PRKG1: variants seen among roughly 807,000 people sequenced by gnomAD.
PRKG1 encodes cGMP-dependent protein kinase 1.
Under a neutral mutation model 88.1 loss-of-function variants are expected in PRKG1, and 35 were observed. The ratio of observed to expected loss-of-function variants is 0.40; its 90% CI spans 0.30 to 0.53. The LOEUF (loss-of-function observed/expected upper bound fraction) is 0.53, where lower values mean the gene tolerates loss of function less well. PRKG1 is among the 20% of genes least tolerant of loss of function. PRKG1 has a pLI of 0.59. For synonymous variants in PRKG1, 303 were observed against 292.5 expected, an observed-to-expected ratio of 1.04 and a Z score of -0.37; for missense variants, 540 against 839.8, an observed-to-expected ratio of 0.64 and a Z score of 4.41.
chr10:52,052,610 T>G (rs1329518627), intron 5 of PRKG1, among the ~76,000 whole-genome samples: 1 of 151,698 alleles, frequency 6.6e-6, no homozygotes, highest in Non-Finnish European at 1.5e-5. Context: ...GGCCTCACAA[T>G]CATGGCAGAA....
chr10:51,039,477 G>A (rs930042935), intron 1 of PRKG1, among the ~76,000 whole-genome samples: 3 of 152,022 alleles, frequency 2.0e-5, no homozygotes, highest in African/African-American at 4.8e-5. Flanking sequence ...ATATATTCTG[G>A]TTATTAATTC....
chr10:51,721,625 ACT>A (rs1441282607), intron 3 of PRKG1, among the ~76,000 whole-genome samples: 6 of 152,244 alleles, frequency 3.9e-5, no homozygotes, highest in East Asian at 1.9e-4. Flanking sequence ...CGAGGCTCAC[ACT>A]CTCTGATACC....
intron 4 of PRKG1, among the ~76,000 whole-genome samples, chr10:51,888,938 T>G (rs1841642224): frequency 6.6e-6 from 1 of 152,186 alleles, no homozygotes; most frequent in Non-Finnish European, 1.5e-5. Flanking sequence ...TGTCACATAG[T>G]TACAAAGTAA....
At chr10:51,101,481 A>G (rs575210130) in intron 1 of PRKG1, among the ~76,000 whole-genome samples, 1 of 152,290 alleles carries the variant, frequency 6.6e-6, no homozygotes, top group South Asian at 2.1e-4. Flanking sequence ...AGGTGCCAAA[A>G]TCAGACTCCA....
intron 3 of PRKG1, among the ~76,000 whole-genome samples, chr10:51,744,448 A>C (rs1378039281): frequency 6.6e-6 from 1 of 152,202 alleles, no homozygotes; most frequent in Non-Finnish European, 1.5e-5. Flanking sequence ...GAGAGGAACC[A>C]CAGCCAGTTT....
chr10:51,617,786 T>G (rs1839099435), intron 3 of PRKG1, among the ~76,000 whole-genome samples: 1 of 152,328 alleles, frequency 6.6e-6, no homozygotes, highest in South Asian at 2.1e-4. Context: ...TGACTATATT[T>G]TGAAACCTAT....
intron 3 of PRKG1, chr10:51,697,414 C>A: frequency 2.5e-6 from 1 of 404,154 alleles, no homozygotes; most frequent in Non-Finnish European, 4.4e-6. Flanking sequence ...GTAGATGCTT[C>A]AATATTGCTG....
chr10:52,067,922 AGGCCGGGCGCAGTGG>A (rs1846394542), intron 7 of PRKG1, among the ~76,000 whole-genome samples: 1 of 145,788 alleles, frequency 6.9e-6, no homozygotes. Context: ...TCCCTACTTG[AGGCCGGGCGCAGTGG>A]CTCACGCCTG....
intron 5 of PRKG1, among the ~76,000 whole-genome samples, chr10:52,035,735 C>A (rs1354669834): frequency 2.0e-5 from 3 of 151,808 alleles, no homozygotes; most frequent in Non-Finnish European, 2.9e-5. Context: ...AAAGTATGTG[C>A]GTCAGGTATG....
intron 2 of PRKG1, among the ~76,000 whole-genome samples, chr10:51,217,057 G>C (rs998622192): frequency 1.3e-5 from 2 of 152,016 alleles, no homozygotes; most frequent in Admixed American, 1.3e-4. Context: ...AAATTGAAAA[G>C]CTCATGGGTG....
chr10:51,029,806 T>C (rs1843257387), intron 1 of PRKG1, among the ~76,000 whole-genome samples: 1 of 151,956 alleles, frequency 6.6e-6, no homozygotes, highest in Non-Finnish European at 1.5e-5. Flanking sequence ...AATGTAGGAG[T>C]GTGTGCTCTG....
At chr10:51,532,138 C>T (rs1842034626) in intron 3 of PRKG1, among the ~76,000 whole-genome samples, 1 of 152,182 alleles carries the variant, frequency 6.6e-6, no homozygotes, top group Non-Finnish European at 1.5e-5. Flanking sequence ...GAAGTTAAAG[C>T]TGCAGCAGGA....
chr10:51,277,270 G>A (rs1031288682), intron 2 of PRKG1, among the ~76,000 whole-genome samples: 6 of 152,180 alleles, frequency 3.9e-5, no homozygotes, highest in African/African-American at 1.4e-4. Context: ...TCAGATGGTT[G>A]TAGATGTGTG....
At chr10:52,128,440 G>T (rs890278138) in intron 7 of PRKG1, 1 of 985,422 alleles carries the variant, frequency 1.0e-6, no homozygotes. Context: ...CAGAAGAGCC[G>T]ATGTAAATTC....
intron 5 of PRKG1, among the ~76,000 whole-genome samples, chr10:52,053,075 A>G (rs1022647609): frequency 2.6e-5 from 4 of 152,138 alleles, no homozygotes; most frequent in African/African-American, 7.2e-5. Flanking sequence ...GCATTCTATA[A>G]TATTATTTTT....
intron 3 of PRKG1, among the ~76,000 whole-genome samples, chr10:51,623,358 G>A (rs533388099): frequency 6.6e-6 from 1 of 152,146 alleles, no homozygotes; most frequent in African/African-American, 2.4e-5. Context: ...GTGCCGCCAT[G>A]ACTGGCTAAT....
At chr10:51,309,236 C>G (rs1841117966) in intron 2 of PRKG1, among the ~76,000 whole-genome samples, 1 of 152,132 alleles carries the variant, frequency 6.6e-6, no homozygotes, top group Non-Finnish European at 1.5e-5. Context: ...ACACAAGTGT[C>G]TTTCAAATCC....
At chr10:51,923,395 T>C (rs529107784) in intron 5 of PRKG1, among the ~76,000 whole-genome samples, 2 of 151,678 alleles carry the variant, frequency 1.3e-5, no homozygotes, top group East Asian at 3.9e-4. Context: ...AAAGTAGTTA[T>C]AGATAATTTG....
At chr10:52,288,602 A>G in intron 14 of PRKG1, 124 bp from the exon 15 acceptor site, 1 of 1,096,840 alleles carries the variant, frequency 9.1e-7, no homozygotes, top group Non-Finnish European at 1.3e-6. Flanking sequence ...TTTTCATTCC[A>G]TTGTCACTAT....
Sources: gnomAD v4.1 joint callset for allele counts (sites outside exome capture counted in the v4.1 genomes callset) on GRCh38, gnomAD v4.1.1 for gene constraint, MANE v1.5 for transcripts, NCBI Gene and HGNC (gene_info 2026-07-23, HGNC 2026-07-21) for gene names.